The following SMYD3 variants were observed in gnomAD, a reference collection of about 807,000 sequenced individuals.
The protein encoded by SMYD3 is SET and MYND domain containing 3.
In SMYD3, 36 loss-of-function variants were observed where a neutral mutation model predicts 57.7. The ratio of observed to expected loss-of-function variants is 0.62; its 90% CI spans 0.48 to 0.82. The LOEUF is 0.82. Ranked by LOEUF, SMYD3 falls within the 40% of genes least tolerant of loss-of-function variation. The pLI is 0.00. For synonymous variants in SMYD3, 211 were observed against 195.0 expected, an observed-to-expected ratio of 1.08 and a Z score of -0.68; for missense variants, 515 against 538.8, an observed-to-expected ratio of 0.96 and a Z score of 0.44.
rs948783587 is a variant in SMYD3 at position 246,262,681 on chromosome 1, C to T, written c.531+64520G>A. Among the ~76,000 whole-genome samples, 5 of 152,092 alleles carry T rather than the reference C, an allele frequency of 3.3e-5. No homozygotes were observed. The East Asian group carries it at 7.7e-4, about 23-fold the overall frequency. ...TATAGCCGGTCTCTGACACCTAGCA[C>T]AGTACCTAGGTCATATTAGGTTCTC... On this transcript the variant is annotated intron_variant, in intron 5 of 11. Transcript: ENST00000490107.
At chr1:245,950,207 G>C (rs932080274) in intron 5 of SMYD3, among the ~76,000 whole-genome samples, 1 of 152,082 alleles carries the variant, frequency 6.6e-6, no homozygotes, top group Non-Finnish European at 1.5e-5. Context: ...AATACTGTTA[G>C]GTGAGGTTAG....
At chr1:246,073,435 G>C (rs1223885128) in intron 5 of SMYD3, among the ~76,000 whole-genome samples, 1 of 152,052 alleles carries the variant, frequency 6.6e-6, no homozygotes, top group East Asian at 1.9e-4. Context: ...AGGGATTTTA[G>C]GCTGGAGCTA....
At chr1:245,850,942 G>C (rs10924360) in intron 10 of SMYD3, among the ~76,000 whole-genome samples, 12,650 of 152,148 alleles carry the variant, frequency 0.083, 1,795 homozygotes, top group African/African-American at 0.29. Context: ...CCAGCTCAGA[G>C]GATGACAGTG....
chr1:246,142,329 A>T (rs1026169949), intron 5 of SMYD3, among the ~76,000 whole-genome samples: 1 of 152,224 alleles, frequency 6.6e-6, no homozygotes, highest in Non-Finnish European at 1.5e-5. Context: ...TTCTTCCTGT[A>T]GATCTTAGCA....
intron 1 of SMYD3, among the ~76,000 whole-genome samples, chr1:246,506,584 G>T (rs1356508980): frequency 6.6e-6 from 1 of 152,154 alleles, no homozygotes; most frequent in African/African-American, 2.4e-5. Context: ...TCTTCCACCT[G>T]CTGCAAGCCT....
chr1:246,472,476 C>T (rs1454237261), intron 1 of SMYD3, among the ~76,000 whole-genome samples: 2 of 152,202 alleles, frequency 1.3e-5, no homozygotes, highest in Non-Finnish European at 2.9e-5. Flanking sequence ...GGCATAGTGG[C>T]TCATGACTGT....
At chr1:246,269,011 A>C (rs1572311713) in intron 5 of SMYD3, among the ~76,000 whole-genome samples, 1 of 152,340 alleles carries the variant, frequency 6.6e-6, no homozygotes, top group Non-Finnish European at 1.5e-5. Flanking sequence ...TTACTAAATT[A>C]GAATCAGTAA....
At chr1:246,167,865 T>A (rs925726085) in intron 5 of SMYD3, among the ~76,000 whole-genome samples, 7 of 152,230 alleles carry the variant, frequency 4.6e-5, no homozygotes, top group African/African-American at 1.7e-4. Context: ...GAGCATCTTT[T>A]CACGTGCTTG....
At chr1:246,452,655 C>G (rs2067648660) in intron 1 of SMYD3, among the ~76,000 whole-genome samples, 1 of 152,124 alleles carries the variant, frequency 6.6e-6, no homozygotes, top group South Asian at 2.1e-4. Flanking sequence ...ATTAGGAACT[C>G]TACTCATACA....
At chr1:245,949,258 C>T (rs934473833) in intron 5 of SMYD3, among the ~76,000 whole-genome samples, 7 of 152,146 alleles carry the variant, frequency 4.6e-5, no homozygotes, top group African/African-American at 1.7e-4. Context: ...GACTTGCTAA[C>T]GTGGATGCCA....
intron 1 of SMYD3, among the ~76,000 whole-genome samples, chr1:246,466,766 T>C (rs1260195379): frequency 2.0e-5 from 3 of 152,186 alleles, no homozygotes; most frequent in Non-Finnish European, 4.4e-5. Flanking sequence ...GAGGATCACT[T>C]GAGCCCGGGA....
intron 7 of SMYD3, among the ~76,000 whole-genome samples, chr1:245,921,184 T>C (rs185708533): frequency 1.8e-4 from 27 of 152,234 alleles, no homozygotes; most frequent in Non-Finnish European, 3.2e-4. Flanking sequence ...TTTTAAATGC[T>C]CCACATCACT....
chr1:246,097,711 A>T (rs2060940615), intron 5 of SMYD3, among the ~76,000 whole-genome samples: 1 of 151,908 alleles, frequency 6.6e-6, no homozygotes, highest in South Asian at 2.1e-4. Flanking sequence ...CTTCGTGACC[A>T]ACTCAGACTT....
chr1:246,139,879 C>T (rs184577126), intron 5 of SMYD3, among the ~76,000 whole-genome samples: 47 of 152,204 alleles, frequency 3.1e-4, no homozygotes, highest in African/African-American at 9.2e-4. Context: ...ATGGATAGTC[C>T]GCACAAAGAT....
chr1:246,098,150 C>A (rs1384657486), intron 5 of SMYD3, among the ~76,000 whole-genome samples: 1 of 152,048 alleles, frequency 6.6e-6, no homozygotes, highest in African/African-American at 2.4e-5. Context: ...ATATCTATAC[C>A]CGCACCCAAA....
intron 5 of SMYD3, among the ~76,000 whole-genome samples, chr1:246,247,478 TA>T (rs1464637776): frequency 2.2e-4 from 32 of 145,106 alleles, no homozygotes; most frequent in African/African-American, 8.2e-4. Context: ...TATATATATA[TA>T]TATATATTTT....
At chr1:246,306,747 G>A (rs1295932908) in intron 5 of SMYD3, among the ~76,000 whole-genome samples, 1 of 152,120 alleles carries the variant, frequency 6.6e-6, no homozygotes, top group Non-Finnish European at 1.5e-5. Flanking sequence ...TGTTCTTCAC[G>A]CTAGACATTT....
At chr1:246,238,662 C>G (rs1414576093) in intron 5 of SMYD3, among the ~76,000 whole-genome samples, 2 of 152,076 alleles carry the variant, frequency 1.3e-5, no homozygotes, top group Non-Finnish European at 2.9e-5. Context: ...CTTTTCTTTA[C>G]TTTACCTGCA....
intron 1 of SMYD3, among the ~76,000 whole-genome samples, chr1:246,413,644 T>C (rs936644265): frequency 1.3e-5 from 2 of 152,188 alleles, no homozygotes; most frequent in East Asian, 3.9e-4. Flanking sequence ...AAGTGTATGA[T>C]GCCCCACCCC....
Sources: allele counts gnomAD v4.1 joint callset (sites outside exome capture counted in the v4.1 genomes callset), GRCh38; gene constraint gnomAD v4.1.1; transcripts MANE v1.5; gene names NCBI Gene and HGNC (gene_info 2026-07-23, HGNC 2026-07-21).